NELL1: variants seen among roughly 807,000 people sequenced by gnomAD.
NELL1 encodes the protein neural EGFL like 1.
A neutral mutation model predicts 107.4 loss-of-function variants in NELL1; 76 were observed. That is an observed-to-expected ratio of 0.71 (90% CI 0.59 to 0.86). The LOEUF (loss-of-function observed/expected upper bound fraction) is 0.86. NELL1 is among the 40% of genes least tolerant of loss of function. NELL1 has a pLI of 0.00. For synonymous variants in NELL1, 353 were observed against 341.2 expected (o/e 1.03, Z -0.38); for missense variants, 1,024 against 1,005.5 (o/e 1.02, Z -0.25).
chr11:20,688,764 A>G (rs1034382785), intron 2 of NELL1, among the ~76,000 whole-genome samples: 1 of 152,132 alleles, frequency 6.6e-6, no homozygotes, highest in African/African-American at 2.4e-5. Flanking sequence ...ATACCCAGTG[A>G]TGGGATTGTG....
intron 15 of NELL1, among the ~76,000 whole-genome samples, chr11:21,489,100 A>G (rs1028698598): frequency 1.4e-4 from 21 of 152,018 alleles, no homozygotes; most frequent in African/African-American, 4.8e-4. Flanking sequence ...AGGAGACTTT[A>G]CAAGTGATAG....
chr11:21,057,081 A>G (rs555650565), intron 12 of NELL1, among the ~76,000 whole-genome samples: 1 of 152,254 alleles, frequency 6.6e-6, no homozygotes, highest in South Asian at 2.1e-4. Flanking sequence ...AACTTGCCAT[A>G]TATATGAGTG....
rs550877614 is a variant in NELL1 at position 20,696,383 on chromosome 11, G to T, written c.184+18323G>T. Among the ~76,000 whole-genome samples the T allele has an allele frequency of 5.3e-5, 8 of 151,986 alleles. No homozygotes were observed. The East Asian group carries it at 9.7e-4, about 18-fold the overall frequency. On this transcript the variant is annotated intron_variant, in intron 2 of 19. Coordinates refer to ENST00000357134, the MANE Select transcript of NELL1 (RefSeq NM_006157.5). ...CTAGGTTTGGGGTCATTTTTGTCTT[G>T]TTACTCTGGGTGTGATGTTAGATCA...
At chr11:21,061,226 A>G (rs1853734275) in intron 12 of NELL1, among the ~76,000 whole-genome samples, 1 of 152,204 alleles carries the variant, frequency 6.6e-6, no homozygotes, top group African/African-American at 2.4e-5. Flanking sequence ...GGAGCCAGAC[A>G]GTAGGCAAAC....
intron 11 of NELL1, among the ~76,000 whole-genome samples, chr11:20,952,709 T>A (rs1851093252): frequency 6.6e-6 from 1 of 152,102 alleles, no homozygotes; most frequent in African/African-American, 2.4e-5. Flanking sequence ...CAGAGGATAG[T>A]CTTAGTGAGT....
chr11:21,419,466 C>T (rs915529909), intron 15 of NELL1, among the ~76,000 whole-genome samples: 7 of 152,130 alleles, frequency 4.6e-5, no homozygotes, highest in Non-Finnish European at 8.8e-5. Flanking sequence ...TTAGGGGTCA[C>T]GGAAATAGAG....
chr11:20,984,987 A>G (rs553047154), intron 12 of NELL1, among the ~76,000 whole-genome samples: 1 of 152,296 alleles, frequency 6.6e-6, no homozygotes, highest in African/African-American at 2.4e-5. Flanking sequence ...TTGATTCCCA[A>G]AATGTTTCAG....
At chr11:21,227,035 A>G (rs574013500) in intron 13 of NELL1, among the ~76,000 whole-genome samples, 7 of 152,354 alleles carry the variant, frequency 4.6e-5, no homozygotes, top group African/African-American at 1.7e-4. Context: ...CTGGTAGGGA[A>G]GGATAGACCA....
At chr11:20,718,541 G>A (rs1333670921) in intron 2 of NELL1, among the ~76,000 whole-genome samples, 1 of 151,860 alleles carries the variant, frequency 6.6e-6, no homozygotes, top group Non-Finnish European at 1.5e-5. Context: ...CACAGTACTG[G>A]GTACTGGGAT....
intron 12 of NELL1, among the ~76,000 whole-genome samples, chr11:20,961,772 A>G (rs779837733): frequency 3.1e-4 from 47 of 152,092 alleles, no homozygotes; most frequent in Admixed American, 3.3e-4. Context: ...GATTCTGCAG[A>G]GCCTACTTTG....
At chr11:20,713,907 G>A (rs1855172567) in intron 2 of NELL1, among the ~76,000 whole-genome samples, 1 of 152,154 alleles carries the variant, frequency 6.6e-6, no homozygotes, top group Non-Finnish European at 1.5e-5. Flanking sequence ...CTCTAGGTAA[G>A]TTTAAATCTT....
intron 12 of NELL1, among the ~76,000 whole-genome samples, chr11:21,090,527 G>A (rs764304382): frequency 2.0e-4 from 31 of 152,064 alleles, no homozygotes; most frequent in Admixed American, 3.9e-4. Context: ...ATTTGGGCTC[G>A]GCTCTGTCAC....
At chr11:21,369,533 A>C (rs1851310167) in intron 14 of NELL1, among the ~76,000 whole-genome samples, 1 of 145,786 alleles carries the variant, frequency 6.9e-6, no homozygotes, top group African/African-American at 2.4e-5. Flanking sequence ...AATAATGTGG[A>C]AAACAACAAT....
chr11:21,319,628 C>G (rs1448964473), intron 14 of NELL1, among the ~76,000 whole-genome samples: 2 of 151,532 alleles, frequency 1.3e-5, no homozygotes, highest in Non-Finnish European at 1.5e-5. Flanking sequence ...AAGCGTGTGT[C>G]ACCGCGCCCA....
intron 15 of NELL1, among the ~76,000 whole-genome samples, chr11:21,479,096 T>C (rs1854424290): frequency 6.6e-6 from 1 of 152,122 alleles, no homozygotes; most frequent in African/African-American, 2.4e-5. Flanking sequence ...AGTGGGAATG[T>C]AAAGTAGTGC....
chr11:21,186,852 T>C (rs1267133265), intron 13 of NELL1, among the ~76,000 whole-genome samples: 1 of 151,784 alleles, frequency 6.6e-6, no homozygotes, highest in Non-Finnish European at 1.5e-5. Flanking sequence ...AAAGCTGCAT[T>C]TCTACAAACC....
chr11:20,730,315 A>G (rs1162582340), intron 2 of NELL1, among the ~76,000 whole-genome samples: 1 of 152,186 alleles, frequency 6.6e-6, no homozygotes, highest in Non-Finnish European at 1.5e-5. Flanking sequence ...GAGAAGCATC[A>G]GTGAGCCTGT....
chr11:20,976,156 T>C (rs72939244), intron 12 of NELL1, among the ~76,000 whole-genome samples: 19,800 of 111,780 alleles, frequency 0.18, 1,818 homozygotes, highest in East Asian at 0.37. Flanking sequence ...TGTATATATA[T>C]ACACACATTA....
chr11:20,772,704 A>G (rs1453576172), intron 2 of NELL1, among the ~76,000 whole-genome samples: 1 of 152,206 alleles, frequency 6.6e-6, no homozygotes, highest in Non-Finnish European at 1.5e-5. Flanking sequence ...GAAGGAAAAC[A>G]GCTACCTAAG....
Sources: gnomAD v4.1 joint callset for allele counts (sites outside exome capture counted in the v4.1 genomes callset) on GRCh38, gnomAD v4.1.1 for gene constraint, MANE v1.5 for transcripts, NCBI Gene and HGNC (gene_info 2026-07-23, HGNC 2026-07-21) for gene names.